The following RIC1 variants were observed in gnomAD, a reference collection of about 807,000 sequenced individuals.
RIC1 encodes RIC1 partner of RAB6A GEF complex, also known as guanine nucleotide exchange factor subunit RIC1.
RIC1 carries 88 observed loss-of-function variants against 169.0 expected under a neutral mutation model. That is an observed-to-expected ratio of 0.52 (90% CI 0.44 to 0.62). The LOEUF is 0.62. Among genes scored for constraint, RIC1 ranks in the 20% least tolerant of loss-of-function variants. The probability of loss-of-function intolerance (pLI) is 0.00; values close to 1 mark genes in which losing one functional copy is unlikely to be tolerated. For missense variants in RIC1, 1,877 were observed against 1,725.5 expected (o/e 1.09, Z -1.56); for synonymous variants, 790 against 601.5 (o/e 1.31, Z -4.59).
intron 11 of RIC1, among the ~76,000 whole-genome samples, chr9:5,746,394 C>T (rs1031676617): frequency 5.3e-5 from 8 of 152,138 alleles, no homozygotes; most frequent in African/African-American, 1.9e-4. Context: ...TGTGTTCCTC[C>T]AGGCACTACT....
chr9:5,705,529 T>A (rs745399285), intron 3 of RIC1, among the ~76,000 whole-genome samples: 2 of 152,196 alleles, frequency 1.3e-5, no homozygotes, highest in Non-Finnish European at 2.9e-5. Context: ...TAATAACTCT[T>A]CTGTGGATTC....
At chr9:5,739,292 C>A (rs542924128) in intron 8 of RIC1, among the ~76,000 whole-genome samples, 45 of 152,246 alleles carry the variant, frequency 3.0e-4, no homozygotes, top group South Asian at 1.0e-3. Flanking sequence ...GCTAACCACG[C>A]AAATCAACTA....
intron 1 of RIC1, among the ~76,000 whole-genome samples, chr9:5,637,789 A>T (rs1274064855): frequency 6.6e-6 from 1 of 152,074 alleles, no homozygotes; most frequent in African/African-American, 2.4e-5. Flanking sequence ...AAATGACCGG[A>T]TCTCATTTTT....
At chr9:5,758,961 T>A (rs773712840) in intron 17 of RIC1, among the ~76,000 whole-genome samples, 1 of 152,018 alleles carries the variant, frequency 6.6e-6, no homozygotes, top group Non-Finnish European at 1.5e-5. Context: ...GCCAGGATGG[T>A]CTCAATCTCT....
chr9:5,665,570 G>C (rs1819704759), intron 2 of RIC1, among the ~76,000 whole-genome samples: 2 of 152,136 alleles, frequency 1.3e-5, no homozygotes, highest in Admixed American at 1.3e-4. Flanking sequence ...TCTTATCTTT[G>C]TGGGCTTATC....
rs377518495 is a variant in RIC1, at chr9:5,689,225, A to AT, written c.253-727dup. ...CACCACGCCCGGCTAATTTTTTTGTATTTTTTTAGTAGAGACAGGGTTTCA... is the reference window on the plus strand; with the variant it reads ...CACCACGCCCGGCTAATTTTTTTGTATTTTTTTTAGTAGAGACAGGGTTTCA... On this transcript the variant is annotated intron_variant, in intron 2 of 25. Transcript: ENST00000414202. Among the ~76,000 whole-genome samples the AT allele has an allele frequency of 3.1e-3, 459 of 150,454 alleles. 1 individual carries two copies. The highest frequency in any genetic ancestry group is 0.01 in the African/African-American group (429 of 40,980).
chr9:5,756,417 C>A (rs769008941), intron 16 of RIC1, 45 bp downstream of exon 16: 9 of 1,254,322 alleles, frequency 7.2e-6, no homozygotes, highest in Non-Finnish European at 9.4e-6. Flanking sequence ...TCCTATTTAC[C>A]ACGTTTCTCT....
At chr9:5,720,088 A>T in intron 4 of RIC1, 94 bp from the exon 5 acceptor site, 2 of 903,874 alleles carry the variant, frequency 2.2e-6, no homozygotes, top group Non-Finnish European at 3.3e-6. Context: ...TTTCATGATC[A>T]TTTTTGCATG....
At chr9:5,675,803 T>C (rs1820408311) in intron 2 of RIC1, among the ~76,000 whole-genome samples, 1 of 152,216 alleles carries the variant, frequency 6.6e-6, no homozygotes, top group Non-Finnish European at 1.5e-5. Flanking sequence ...CTTCTTCCTT[T>C]GAAAGATGAG....
intron 2 of RIC1, among the ~76,000 whole-genome samples, chr9:5,689,396 C>G (rs1163238406): frequency 6.6e-6 from 1 of 152,096 alleles, no homozygotes; most frequent in African/African-American, 2.4e-5. Flanking sequence ...GAAAAATGAA[C>G]TAGCTGATAC....
At chr9:5,732,557 GTTCCTAAC>G in intron 7 of RIC1, 78 bp downstream of exon 7, 1 of 844,304 alleles carries the variant, frequency 1.2e-6, no homozygotes, top group Non-Finnish European at 1.9e-6. Flanking sequence ...AACATAAGAT[GTTCCTAAC>G]ATACTTATAA....
chr9:5,629,370 G>C lies in RIC1; in HGVS notation c.61G>C (p.Ala21Pro). The change falls in exon 1 of 26, where the codon GCG becomes CCG. Residue 21 changes from alanine to proline, a missense_variant. Transcript: ENST00000414202. The stretch of plus-strand genomic sequence containing the variant: ...GTGCCCTCTGGGGAGCCCGGCCGAG[G>C]CGCCTTTCCACGTTCAGTCCGACCC... ...LLCPLGSPAEAPFHVQSDPQR... is the reference protein window; with the variant it reads ...LLCPLGSPAEPPFHVQSDPQR... 2.6e-6 allele frequency: 4 copies of C among 1,533,182 alleles called. No homozygotes were observed. Among genetic ancestry groups the C allele is most frequent in the Non-Finnish European group, 3.5e-6 (4 of 1,145,794 alleles). The allele number at this position is 1,533,182 out of a possible 1,614,324, so 95.0% of individuals were successfully genotyped here.
At chr9:5,668,355 T>C (rs368348601) in intron 2 of RIC1, among the ~76,000 whole-genome samples, 1 of 152,320 alleles carries the variant, frequency 6.6e-6, no homozygotes, top group African/African-American at 2.4e-5. Flanking sequence ...GTTTTCAAAA[T>C]TCTGTCTTTT....
intron 2 of RIC1, among the ~76,000 whole-genome samples, chr9:5,678,295 C>T (rs1226475143): frequency 1.3e-5 from 2 of 152,140 alleles, no homozygotes. Context: ...GTGAATAGTG[C>T]CGCAGTAAAC....
chr9:5,769,380 C>G (rs773857231), intron 22 of RIC1, 124 bp downstream of exon 22: 2 of 1,600,126 alleles, frequency 1.2e-6, no homozygotes, highest in East Asian at 2.3e-5. Flanking sequence ...TGGATAAAAG[C>G]CAACTTTTTG....
At chr9:5,728,697 T>G (rs1027402956) in intron 6 of RIC1, among the ~76,000 whole-genome samples, 1 of 152,154 alleles carries the variant, frequency 6.6e-6, no homozygotes, top group African/African-American at 2.4e-5. Context: ...TTAAAGAAAT[T>G]TCTCTGGGAG....
chr9:5,658,971 T>C (rs938983922), intron 2 of RIC1, among the ~76,000 whole-genome samples: 1 of 152,052 alleles, frequency 6.6e-6, no homozygotes, highest in Admixed American at 6.6e-5. Flanking sequence ...AAAATGTCAT[T>C]AAGGACCAGC....
chr9:5,734,081 T>C (rs891737106), intron 7 of RIC1, among the ~76,000 whole-genome samples: 4 of 147,272 alleles, frequency 2.7e-5, no homozygotes, highest in Non-Finnish European at 6.0e-5. Flanking sequence ...ATATAATATA[T>C]ATTTTAAATA....
At chr9:5,769,439 GA>G in intron 22 of RIC1, 183 bp downstream of exon 22, 1 of 1,515,040 alleles carries the variant, frequency 6.6e-7, no homozygotes, top group Non-Finnish European at 8.8e-7. Flanking sequence ...AAATAAAGTA[GA>G]ACCTATGTCT....
Sources: gnomAD v4.1 joint callset for allele counts (sites outside exome capture counted in the v4.1 genomes callset) on GRCh38, gnomAD v4.1.1 for gene constraint, MANE v1.5 for transcripts, NCBI Gene and HGNC (gene_info 2026-07-23, HGNC 2026-07-21) for gene names.